NTM: variants seen among roughly 807,000 people sequenced by gnomAD.
NTM encodes the protein IgLON family member 2.
In NTM, 13 loss-of-function variants were observed where a neutral mutation model predicts 42.1. The ratio of observed to expected loss-of-function variants is 0.31; its 90% CI spans 0.20 to 0.49. NTM has a LOEUF of 0.49. Ranked by LOEUF, NTM falls within the 20% of genes least tolerant of loss-of-function variation. NTM has a pLI of 0.99. For synonymous variants in NTM, 187 were observed against 179.2 expected, an observed-to-expected ratio of 1.04 and a Z score of -0.35; for missense variants, 373 against 452.8, an observed-to-expected ratio of 0.82 and a Z score of 1.60.
At chr11:131,559,923 C>G (rs1384412878) in intron 1 of NTM, among the ~76,000 whole-genome samples, 1 of 152,192 alleles carries the variant, frequency 6.6e-6, no homozygotes, top group African/African-American at 2.4e-5. Flanking sequence ...AATGCAGTCT[C>G]TAGCATGGAA....
chr11:131,541,590 A>G (rs2053269262), intron 1 of NTM, among the ~76,000 whole-genome samples: 2 of 152,002 alleles, frequency 1.3e-5, no homozygotes, highest in African/African-American at 4.8e-5. Context: ...GAGCTATGTA[A>G]AGCCAGTCAA....
At chr11:131,546,789 G>A (rs538233975) in intron 1 of NTM, 18 of 152,408 alleles carry the variant, frequency 1.2e-4, no homozygotes, top group African/African-American at 3.6e-4. Flanking sequence ...TAGCCTTGGG[G>A]TTTGTGAGGA....
chr11:131,795,493 C>T (rs899447835), intron 1 of NTM: 4 of 985,216 alleles, frequency 4.1e-6, no homozygotes, highest in Admixed American at 6.2e-5. Flanking sequence ...CTCCAAGCTG[C>T]CCTTTATTGC....
At chr11:131,548,053 G>C (rs2054175103) in intron 1 of NTM, among the ~76,000 whole-genome samples, 1 of 152,166 alleles carries the variant, frequency 6.6e-6, no homozygotes, top group African/African-American at 2.4e-5. Context: ...GTGACCTTAG[G>C]CAAGTTCCTG....
rs74589717 is a variant in NTM at position 132,218,044 on chromosome 11, G to T, written c.526+5897G>T. ...TCCAGTGACAGCTCTGTGAAAAAGTGTCAGGAGCAGAGCTCTGGCGTGCCA... is the reference window on the plus strand; with the variant it reads ...TCCAGTGACAGCTCTGTGAAAAAGTTTCAGGAGCAGAGCTCTGGCGTGCCA... On this transcript the variant is annotated intron_variant, in intron 4 of 8. Coordinates refer to ENST00000683400, the MANE Select transcript of NTM (RefSeq NM_001352005.2). Among the ~76,000 whole-genome samples the T allele has an allele frequency of 4.9e-4, 75 of 152,244 alleles. 1 individual carries two copies. In the East Asian group the frequency reaches 0.014, roughly 28 times the overall value.
chr11:132,189,067 A>C (rs2078889207), intron 3 of NTM, among the ~76,000 whole-genome samples: 1 of 152,218 alleles, frequency 6.6e-6, no homozygotes, highest in South Asian at 2.1e-4. Context: ...GAGTAATTGT[A>C]AACATTTTCT....
chr11:131,706,079 C>T (rs955744979), intron 1 of NTM, among the ~76,000 whole-genome samples: 3 of 151,956 alleles, frequency 2.0e-5, no homozygotes, highest in Non-Finnish European at 4.4e-5. Flanking sequence ...CTGCATGCTA[C>T]CTTTAAGAGA....
At chr11:131,544,737 C>A (rs1228503553) in intron 1 of NTM, among the ~76,000 whole-genome samples, 1 of 152,200 alleles carries the variant, frequency 6.6e-6, no homozygotes. Flanking sequence ...TGCTCCGCAG[C>A]CCTGGGCATA....
chr11:131,688,587 G>A (rs74384866), intron 1 of NTM, among the ~76,000 whole-genome samples: 72 of 152,312 alleles, frequency 4.7e-4, no homozygotes, highest in African/African-American at 1.7e-3. Context: ...TCTGTGCCCC[G>A]GGTTGCTCTT....
chr11:132,219,265 C>T (rs911454349), intron 4 of NTM, among the ~76,000 whole-genome samples: 4 of 152,106 alleles, frequency 2.6e-5, no homozygotes, highest in Non-Finnish European at 2.9e-5. Flanking sequence ...TTTGAGATCC[C>T]ACAGCACTTT....
chr11:131,661,096 G>T (rs904433569), intron 1 of NTM: 2 of 1,236,232 alleles, frequency 1.6e-6, no homozygotes, highest in African/African-American at 1.6e-5. Context: ...TGGTGGGGGG[G>T]TCTTCCCCCT....
At chr11:131,851,310 C>G (rs1448191980) in intron 1 of NTM, among the ~76,000 whole-genome samples, 1 of 152,112 alleles carries the variant, frequency 6.6e-6, no homozygotes, top group Middle Eastern at 3.2e-3. Flanking sequence ...GGAGGGTGTA[C>G]AGTCCAGCAC....
intron 4 of NTM, among the ~76,000 whole-genome samples, chr11:132,241,787 C>T (rs1027075045): frequency 1.3e-5 from 2 of 152,224 alleles, no homozygotes; most frequent in Non-Finnish European, 2.9e-5. Flanking sequence ...CTCATATCCA[C>T]AAGTGCACTT....
At chr11:131,773,581 A>T (rs1450883610) in intron 1 of NTM, among the ~76,000 whole-genome samples, 2 of 152,170 alleles carry the variant, frequency 1.3e-5, no homozygotes, top group Non-Finnish European at 2.9e-5. Flanking sequence ...CATTAGTCTC[A>T]TATTGATGCA....
chr11:131,814,656 A>T (rs543766631), intron 1 of NTM, among the ~76,000 whole-genome samples: 1 of 152,326 alleles, frequency 6.6e-6, no homozygotes, highest in African/African-American at 2.4e-5. Context: ...AGACAACTGG[A>T]GTGGGGAGGT....
intron 1 of NTM, among the ~76,000 whole-genome samples, chr11:131,801,246 G>A (rs2092081188): frequency 6.6e-6 from 1 of 152,186 alleles, no homozygotes; most frequent in Non-Finnish European, 1.5e-5. Flanking sequence ...CAGCAGATAT[G>A]GGTAGAATGC....
chr11:132,068,068 T>C (rs1299070713), intron 2 of NTM, among the ~76,000 whole-genome samples: 1 of 152,202 alleles, frequency 6.6e-6, no homozygotes, highest in Non-Finnish European at 1.5e-5. Context: ...TATGCTGATA[T>C]CCATTCATAT....
At chr11:131,682,661 T>G (rs1376158651) in intron 1 of NTM, among the ~76,000 whole-genome samples, 1 of 152,204 alleles carries the variant, frequency 6.6e-6, no homozygotes, top group Non-Finnish European at 1.5e-5. Flanking sequence ...GAGCGGGTCC[T>G]TCCTTGTTAC....
intron 1 of NTM, among the ~76,000 whole-genome samples, chr11:131,392,014 T>G (rs1320071729): frequency 6.6e-6 from 1 of 152,228 alleles, no homozygotes; most frequent in Non-Finnish European, 1.5e-5. Flanking sequence ...AATTTAACTT[T>G]GATTTCAATT....
Sources: allele counts gnomAD v4.1 joint callset (sites outside exome capture counted in the v4.1 genomes callset), GRCh38; gene constraint gnomAD v4.1.1; transcripts MANE v1.5; gene names NCBI Gene and HGNC (gene_info 2026-07-23, HGNC 2026-07-21).